DNTT: variants seen among roughly 807,000 people sequenced by gnomAD.
The protein encoded by DNTT is nucleosidetriphosphate:DNA deoxynucleotidylexotransferase.
In DNTT, 47 loss-of-function variants were observed where a neutral mutation model predicts 60.9. The observed-to-expected ratio is 0.77, with a 90% CI of 0.61 to 0.98. DNTT has a LOEUF of 0.98. Ranked by LOEUF, DNTT falls within the 50% of genes least tolerant of loss-of-function variation. The probability of loss-of-function intolerance (pLI) is 0.00; values close to 1 mark genes in which losing one functional copy is unlikely to be tolerated. For missense variants in DNTT, 665 were observed against 627.5 expected, an observed-to-expected ratio of 1.06 and a Z score of -0.64; for synonymous variants, 224 against 221.2, an observed-to-expected ratio of 1.01 and a Z score of -0.11.
At chr10:96,307,614 A>C (rs1377827034) in intron 1 of DNTT, among the ~76,000 whole-genome samples, 1 of 148,782 alleles carries the variant, frequency 6.7e-6, no homozygotes, top group East Asian at 1.9e-4. Flanking sequence ...TTGGCCTCCC[A>C]AAATGCTGGG....
intron 1 of DNTT, among the ~76,000 whole-genome samples, chr10:96,308,114 C>A (rs149448051): frequency 6.6e-6 from 1 of 152,104 alleles, no homozygotes; most frequent in Non-Finnish European, 1.5e-5. Context: ...CAACAGTTTT[C>A]ATTGTTCCTA....
intron 5 of DNTT, 48 bp from the exon 6 acceptor site, chr10:96,324,218 A>T (rs760952979): frequency 1.8e-5 from 29 of 1,583,650 alleles, no homozygotes; most frequent in Non-Finnish European, 2.4e-5. Context: ...CTCGGATGTT[A>T]TAATGATTAT....
chr10:96,332,259 C>G (rs117388136), intron 8 of DNTT, 92 bp from the exon 9 acceptor site: 2 of 1,536,668 alleles, frequency 1.3e-6, no homozygotes, highest in East Asian at 2.3e-5. Flanking sequence ...ATGTTCTGCT[C>G]GAATCTGAAA....
chr10:96,312,887 T>C (rs187055783), intron 1 of DNTT, among the ~76,000 whole-genome samples: 1 of 152,256 alleles, frequency 6.6e-6, no homozygotes, highest in African/African-American at 2.4e-5. Flanking sequence ...TTTAGAGCTA[T>C]TCATTCATTC....
Position 96,307,689 on chromosome 10 carries a change from ATGTGTG to A in DNTT, c.203+3001_203+3006del, listed in dbSNP as rs71034370. ...TTTTACAATAAGCATATATATATGT[ATGTGTG>A]TGTGTGTGTGTATATATATATATAT... is the stretch of plus-strand genomic sequence containing the variant. On this transcript the variant is annotated intron_variant, in intron 1 of 10. Transcript: ENST00000371174. 1.1e-3 allele frequency among the ~76,000 whole-genome samples: 119 copies of A among 109,162 alleles called. 1 individual carries two copies. Among genetic ancestry groups the A allele is most frequent in the South Asian group, 9.0e-3 (29 of 3,208 alleles). 71.6% of individuals were successfully genotyped at this position (109,162 alleles called of 152,430 possible).
intron 10 of DNTT, among the ~76,000 whole-genome samples, chr10:96,336,672 C>T (rs1355614382): frequency 6.6e-6 from 1 of 152,250 alleles, no homozygotes; most frequent in South Asian, 2.1e-4. Context: ...AGTGGCCAGG[C>T]GCAGTGGCTC....
At chr10:96,310,153 C>A (rs1844697275) in intron 1 of DNTT, among the ~76,000 whole-genome samples, 1 of 152,344 alleles carries the variant, frequency 6.6e-6, no homozygotes, top group East Asian at 1.9e-4. Context: ...GGGGCACACC[C>A]TTCCCCTAGC....
intron 4 of DNTT, 82 bp from the exon 5 acceptor site, chr10:96,322,575 C>A: frequency 8.6e-7 from 1 of 1,157,224 alleles, no homozygotes; most frequent in Non-Finnish European, 1.2e-6. Flanking sequence ...AGAAACCAAA[C>A]TACTAGGTCC....
intron 1 of DNTT, among the ~76,000 whole-genome samples, chr10:96,310,482 T>G (rs1844702189): frequency 6.6e-6 from 1 of 151,620 alleles, no homozygotes; most frequent in Non-Finnish European, 1.5e-5. Flanking sequence ...TGGTTTTCTT[T>G]ACAGTTTTTC....
At chr10:96,318,108 G>A (rs745809015) in intron 1 of DNTT, among the ~76,000 whole-genome samples, 3 of 152,116 alleles carry the variant, frequency 2.0e-5, no homozygotes, top group Non-Finnish European at 4.4e-5. Context: ...TTCCATCAAC[G>A]CCTCAGTCCT....
At chr10:96,320,154 C>T (rs911785750) in intron 3 of DNTT, among the ~76,000 whole-genome samples, 8 of 152,200 alleles carry the variant, frequency 5.3e-5, no homozygotes, top group Admixed American at 1.3e-4. Context: ...CAAACGTGCC[C>T]TACCTTAAAT....
chr10:96,324,036 T>C (rs1844910302), intron 5 of DNTT, among the ~76,000 whole-genome samples: 1 of 152,172 alleles, frequency 6.6e-6, no homozygotes. Flanking sequence ...CAGAACCTGC[T>C]TGTTACTTCT....
chr10:96,330,719 A>G (rs1397018851), intron 8 of DNTT, among the ~76,000 whole-genome samples: 1 of 152,172 alleles, frequency 6.6e-6, no homozygotes, highest in Non-Finnish European at 1.5e-5. Context: ...ACAATAATCA[A>G]TTTACCAATG....
At chr10:96,333,403 G>T (rs1457699477) in intron 9 of DNTT, among the ~76,000 whole-genome samples, 1 of 152,176 alleles carries the variant, frequency 6.6e-6, no homozygotes, top group Admixed American at 6.5e-5. Flanking sequence ...AAATAGTATG[G>T]AAGTTCCTCA....
At chr10:96,333,810 T>C (rs1293503413) in intron 9 of DNTT, among the ~76,000 whole-genome samples, 3 of 152,186 alleles carry the variant, frequency 2.0e-5, no homozygotes, top group Non-Finnish European at 2.9e-5. Context: ...GAATGGTGGT[T>C]AGCAGAGGCT....
chr10:96,333,551 T>C (rs1845032234), intron 9 of DNTT, among the ~76,000 whole-genome samples: 1 of 152,200 alleles, frequency 6.6e-6, no homozygotes, highest in Non-Finnish European at 1.5e-5. Flanking sequence ...AGCCAAGATA[T>C]TATATAAAAA....
chr10:96,304,641 C>A lies in DNTT; in HGVS notation c.144C>A (p.Arg48=). ...FILEKKMGTT[R]RAFLMELARR... is the part of the protein sequence containing the mutation. ...TGGAGAAGAAAATGGGAACCACCCG[C>A]AGAGCGTTCCTCATGGAGCTGGCCC... Residue 48 remains arginine (R), a synonymous_variant, in exon 1 of 11, where the codon CGC becomes CGA. Coordinates refer to ENST00000371174, the MANE Select transcript of DNTT (RefSeq NM_004088.4). 1.9e-6 allele frequency: 3 copies of A among 1,614,164 alleles called. No homozygotes were observed. Among genetic ancestry groups the A allele is most frequent in the Non-Finnish European group, 2.5e-6 (3 of 1,180,010 alleles).
In DNTT at chr10:96,324,268, C is replaced by A. The variant is rs754611767; in HGVS notation, c.753C>A (p.Leu251=). Residue 251 remains leucine, a splice_region_variant and synonymous_variant, in exon 6 of 11, where the codon CTC becomes CTA. Transcript: ENST00000371174. Reference sequence around the variant, plus strand: ...GCATGCCTTTCCCTCCATTTTAGCTCTTTACTTCTGTATTTGGAGTGGGGC... The same window carrying A: ...GCATGCCTTTCCCTCCATTTTAGCTATTTACTTCTGTATTTGGAGTGGGGC... ...LNDERYQSFK[L]FTSVFGVGLK... 3.1e-6 allele frequency: 5 copies of A among 1,613,022 alleles called. No individual in the cohort carries two copies. Among genetic ancestry groups the A allele is most frequent in the Non-Finnish European group, 3.4e-6 (4 of 1,179,300 alleles).
chr10:96,326,391 A>G (rs1206209042), intron 6 of DNTT, among the ~76,000 whole-genome samples: 4 of 152,228 alleles, frequency 2.6e-5, no homozygotes, highest in Non-Finnish European at 5.9e-5. Context: ...GTGGTTTGGT[A>G]TTGGACACAG....
Sources: gnomAD v4.1 joint callset for allele counts (sites outside exome capture counted in the v4.1 genomes callset) on GRCh38, gnomAD v4.1.1 for gene constraint, MANE v1.5 for transcripts, NCBI Gene and HGNC (gene_info 2026-07-23, HGNC 2026-07-21) for gene names.